The following CADM1 variants were observed in gnomAD, a reference collection of about 807,000 sequenced individuals.
CADM1 encodes TSLC-1.
CADM1 carries 15 observed loss-of-function variants against 53.1 expected under a neutral mutation model. The observed-to-expected ratio is 0.28, with a 90% CI of 0.19 to 0.44. The LOEUF (loss-of-function observed/expected upper bound fraction) is 0.44. CADM1 is among the 20% of genes least tolerant of loss of function. The pLI, the probability that CADM1 is intolerant of heterozygous loss-of-function variation, is 1.00. For synonymous variants in CADM1, 281 were observed against 243.0 expected (o/e 1.16, Z -1.45); for missense variants, 434 against 611.3 (o/e 0.71, Z 3.06).
rs180754947 is a variant in CADM1, at chr11:115,295,276, G to A, written c.125-54856C>T. Among the ~76,000 whole-genome samples, 48 of 151,698 alleles carry A rather than the reference G, an allele frequency of 3.2e-4. No homozygotes were observed. In the East Asian group the frequency reaches 4.3e-3, roughly 14 times the overall value. On this transcript the variant is annotated intron_variant, in intron 1 of 11. Coordinates refer to ENST00000331581, the MANE Select transcript of CADM1 (RefSeq NM_001301043.2). ...ACGGCAAAATCCATCACATCAGTAC[G>A]TCCACCTGCTCTTCCTTCTGGCCTC...
chr11:115,176,456 T>C lies in CADM1; in HGVS notation c.*18A>G. ...AAATAGGGCCAGTTGGACACCTCAT[T>C]GAAACAAAAAGGCTGATCTAGATGA... On this transcript the variant is annotated 3_prime_UTR_variant, in exon 12 of 12. Transcript: ENST00000331581. 2 of 1,613,430 alleles carry C rather than the reference T, an allele frequency of 1.2e-6. No individual in the cohort carries two copies. The highest frequency in any genetic ancestry group is 1.1e-5 in the South Asian group (1 of 91,052).
At chr11:115,312,261 T>C (rs571079112) in intron 1 of CADM1, among the ~76,000 whole-genome samples, 1 of 152,266 alleles carries the variant, frequency 6.6e-6, no homozygotes, top group East Asian at 1.9e-4. Context: ...ACTCTATTTT[T>C]GGATAACTCA....
At chr11:115,179,844 A>T (rs114932046) in intron 10 of CADM1, among the ~76,000 whole-genome samples, 1 of 152,340 alleles carries the variant, frequency 6.6e-6, no homozygotes, top group African/African-American at 2.4e-5. Context: ...TGATTTGTGA[A>T]GTCATATGTG....
chr11:115,227,822 C>A (rs142352357), intron 5 of CADM1, among the ~76,000 whole-genome samples: 1 of 152,290 alleles, frequency 6.6e-6, no homozygotes, highest in African/African-American at 2.4e-5. Context: ...ACTTTTCCTG[C>A]CTTCCCATTT....
intron 1 of CADM1, among the ~76,000 whole-genome samples, chr11:115,467,977 C>CAATAAAAGTGA (rs1366821531): frequency 6.6e-6 from 1 of 152,110 alleles, no homozygotes. Context: ...TTATAGCCAC[C>CAATAAAAGTGA]AATAAAAGTG....
chr11:115,202,163 G>A (rs1308216821), intron 8 of CADM1, among the ~76,000 whole-genome samples: 1 of 143,088 alleles, frequency 7.0e-6, no homozygotes, highest in African/African-American at 2.6e-5. Flanking sequence ...TGAAATTAGA[G>A]ACACTAGCAA....
intron 1 of CADM1, among the ~76,000 whole-genome samples, chr11:115,283,318 A>G (rs1408688952): frequency 6.6e-6 from 1 of 152,194 alleles, no homozygotes; most frequent in Non-Finnish European, 1.5e-5. Context: ...GGTTGGTAGA[A>G]GGAAGTCATG....
intron 1 of CADM1, among the ~76,000 whole-genome samples, chr11:115,419,416 AGTTT>A (rs973911113): frequency 2.6e-5 from 4 of 152,144 alleles, no homozygotes; most frequent in Non-Finnish European, 5.9e-5. Flanking sequence ...AAATCCAAAA[AGTTT>A]GTTTGTGACC....
chr11:115,277,681 A>T (rs1330450489), intron 1 of CADM1, among the ~76,000 whole-genome samples: 1 of 152,104 alleles, frequency 6.6e-6, no homozygotes, highest in Non-Finnish European at 1.5e-5. Flanking sequence ...GCCTTTTGTA[A>T]TATTTTTATT....
intron 1 of CADM1, among the ~76,000 whole-genome samples, chr11:115,458,011 A>G (rs1948715271): frequency 6.6e-6 from 1 of 152,058 alleles, no homozygotes; most frequent in South Asian, 2.1e-4. Flanking sequence ...CAAGAGCAGC[A>G]TGACTACCTG....
chr11:115,486,174 C>G (rs887119376), intron 1 of CADM1, among the ~76,000 whole-genome samples: 1 of 152,136 alleles, frequency 6.6e-6, no homozygotes, highest in African/African-American at 2.4e-5. Context: ...TATTATACTC[C>G]TAACCAATCT....
intron 1 of CADM1, among the ~76,000 whole-genome samples, chr11:115,307,112 A>G (rs1944396199): frequency 6.6e-6 from 1 of 152,004 alleles, no homozygotes; most frequent in African/African-American, 2.4e-5. Flanking sequence ...TTTATAACAT[A>G]TATTTAAATG....
At chr11:115,241,807 C>T (rs1246776955) in intron 1 of CADM1, among the ~76,000 whole-genome samples, 1 of 152,058 alleles carries the variant, frequency 6.6e-6, no homozygotes, top group Admixed American at 6.5e-5. Context: ...TTTACACCAA[C>T]TCGGGGCAGA....
chr11:115,285,429 T>G (rs1420489401), intron 1 of CADM1, among the ~76,000 whole-genome samples: 3 of 152,206 alleles, frequency 2.0e-5, no homozygotes, highest in Admixed American at 2.0e-4. Flanking sequence ...CTTATCCCCA[T>G]TTTAAGTGAG....
At chr11:115,473,815 C>G (rs917345496) in intron 1 of CADM1, among the ~76,000 whole-genome samples, 1 of 151,866 alleles carries the variant, frequency 6.6e-6, no homozygotes, top group Non-Finnish European at 1.5e-5. Context: ...AAAACACAAC[C>G]CATAAAATAT....
At chr11:115,204,562 C>T (rs1299580366) in intron 8 of CADM1, among the ~76,000 whole-genome samples, 2 of 149,568 alleles carry the variant, frequency 1.3e-5, no homozygotes, top group Non-Finnish European at 3.0e-5. Context: ...GAGTAGGAAT[C>T]ATTAGGCTAA....
chr11:115,210,192 CAA>C (rs1268390699), intron 7 of CADM1, among the ~76,000 whole-genome samples: 1 of 152,172 alleles, frequency 6.6e-6, no homozygotes, highest in African/African-American at 2.4e-5. Flanking sequence ...ATAATAAATA[CAA>C]AGAAGAGAGA....
chr11:115,306,943 A>G (rs767506479), intron 1 of CADM1, among the ~76,000 whole-genome samples: 5 of 151,970 alleles, frequency 3.3e-5, no homozygotes, highest in African/African-American at 4.8e-5. Context: ...CCCATGCTTC[A>G]CTTTCAAATT....
chr11:115,327,682 A>G (rs1240530204), intron 1 of CADM1, among the ~76,000 whole-genome samples: 2 of 152,144 alleles, frequency 1.3e-5, no homozygotes, highest in Non-Finnish European at 2.9e-5. Flanking sequence ...GAACTCTAGA[A>G]CAAGAGTTCA....
Sources: gnomAD v4.1 joint callset for allele counts (sites outside exome capture counted in the v4.1 genomes callset) on GRCh38, gnomAD v4.1.1 for gene constraint, MANE v1.5 for transcripts, NCBI Gene and HGNC (gene_info 2026-07-23, HGNC 2026-07-21) for gene names.